Variants in DPH6 observed in about 807,000 individuals in gnomAD.
DPH6 encodes the protein diphthamine biosynthesis 6, also known as diphthine--ammonia ligase.
Under a neutral mutation model 38.2 loss-of-function variants are expected in DPH6, and 33 were observed. That is an observed-to-expected ratio of 0.86 (90% CI 0.65 to 1.15). The LOEUF (loss-of-function observed/expected upper bound fraction) is 1.15. Among genes scored for constraint, DPH6 ranks in the 50% most tolerant of loss-of-function variants. The probability of loss-of-function intolerance (pLI) is 0.00; values close to 1 mark genes in which losing one functional copy is unlikely to be tolerated. For synonymous variants in DPH6, 108 were observed against 103.0 expected (o/e 1.05, Z -0.30); for missense variants, 325 against 320.0 (o/e 1.02, Z -0.12).
intron 3 of DPH6, among the ~76,000 whole-genome samples, chr15:35,336,893 T>G (rs1438540439): frequency 6.6e-6 from 1 of 152,136 alleles, no homozygotes; most frequent in East Asian, 1.9e-4. Context: ...TCAAGGATAT[T>G]GGTCTAAAAT....
intron 5 of DPH6, among the ~76,000 whole-genome samples, chr15:35,423,648 T>C (rs1288649113): frequency 6.6e-6 from 1 of 151,838 alleles, no homozygotes; most frequent in Non-Finnish European, 1.5e-5. Context: ...TCCTTTGTTT[T>C]CTTCAAGGAG....
At chr15:35,280,053 G>C (rs989807490) in intron 3 of DPH6, among the ~76,000 whole-genome samples, 2 of 152,160 alleles carry the variant, frequency 1.3e-5, no homozygotes, top group East Asian at 3.8e-4. Context: ...CTGGCACCTT[G>C]ATCTTAGACT....
At chr15:35,451,758 G>C (rs8033424) in intron 4 of DPH6, among the ~76,000 whole-genome samples, 106,738 of 152,086 alleles carry the variant, frequency 0.7, 38,888 homozygotes, top group South Asian at 0.83. Context: ...CGACTGTAAT[G>C]CCAGCACTTT....
intron 3 of DPH6, among the ~76,000 whole-genome samples, chr15:35,536,957 T>C (rs1361386949): frequency 6.6e-6 from 1 of 152,080 alleles, no homozygotes; most frequent in South Asian, 2.1e-4. Flanking sequence ...TGTGATTTCC[T>C]TTCAAAAGTG....
At chr15:35,225,611 C>T (rs1369302769) in intron 3 of DPH6, among the ~76,000 whole-genome samples, 1 of 152,128 alleles carries the variant, frequency 6.6e-6, no homozygotes, top group Non-Finnish European at 1.5e-5. Flanking sequence ...ATACTTCAGG[C>T]TCATATTGTA....
intron 3 of DPH6, among the ~76,000 whole-genome samples, chr15:35,279,436 G>A (rs569347003): frequency 6.6e-6 from 1 of 152,104 alleles, no homozygotes; most frequent in Non-Finnish European, 1.5e-5. Flanking sequence ...CCCTCCAAAT[G>A]TCAGGTTGAA....
intron 3 of DPH6, chr15:35,520,760 GA>G (rs199590879): frequency 1.7e-5 from 17 of 981,042 alleles, no homozygotes; most frequent in African/African-American, 7.1e-5. Flanking sequence ...TATGTACAAT[GA>G]AAAAAAAATC....
intron 3 of DPH6, among the ~76,000 whole-genome samples, chr15:35,222,025 G>A (rs2051446299): frequency 6.6e-6 from 1 of 152,134 alleles, no homozygotes; most frequent in Non-Finnish European, 1.5e-5. Flanking sequence ...AATAAGGATG[G>A]CCTTAACTCT....
At chr15:35,321,568 T>G (rs866708854) in intron 3 of DPH6, among the ~76,000 whole-genome samples, 5 of 152,332 alleles carry the variant, frequency 3.3e-5, no homozygotes, top group South Asian at 4.1e-4. Context: ...ATTTCTTGAC[T>G]CTGGTAATAG....
chr15:35,202,755 C>T, the DPH6 span, among the ~76,000 whole-genome samples: 2 of 151,696 alleles, frequency 1.3e-5, no homozygotes, highest in Non-Finnish European at 3.0e-5. Flanking sequence ...TTTTTAAATG[C>T]GTTTTCAGTA....
chr15:35,180,543 C>T, the DPH6 span, among the ~76,000 whole-genome samples: 1 of 152,206 alleles, frequency 6.6e-6, no homozygotes, highest in Non-Finnish European at 1.5e-5. Context: ...TCACTGCAGC[C>T]TTGACCTCCT....
intron 3 of DPH6, among the ~76,000 whole-genome samples, chr15:35,234,664 G>A (rs79101711): frequency 2.0e-5 from 3 of 152,194 alleles, no homozygotes; most frequent in Admixed American, 2.0e-4. Flanking sequence ...GTAACAGCTG[G>A]CTTAAGCCAA....
intron 3 of DPH6, among the ~76,000 whole-genome samples, chr15:35,338,635 G>A (rs2052394690): frequency 2.0e-5 from 3 of 152,052 alleles, no homozygotes; most frequent in African/African-American, 7.2e-5. Context: ...GATTCCTCAG[G>A]GATCTAGAAC....
chr15:35,333,952 G>A (rs926796361), intron 3 of DPH6, among the ~76,000 whole-genome samples: 1 of 152,048 alleles, frequency 6.6e-6, no homozygotes, highest in East Asian at 1.9e-4. Flanking sequence ...CCATAAAGAA[G>A]AACAAGATCT....
chr15:35,309,564 A>G (rs2052122816), intron 3 of DPH6, among the ~76,000 whole-genome samples: 1 of 152,224 alleles, frequency 6.6e-6, no homozygotes, highest in African/African-American at 2.4e-5. Flanking sequence ...CCCATTTTAA[A>G]GAGCGAAAAG....
At chr15:35,198,754 A>C in the DPH6 span, among the ~76,000 whole-genome samples, 1 of 152,226 alleles carries the variant, frequency 6.6e-6, no homozygotes, top group Non-Finnish European at 1.5e-5. Context: ...TCATGCAAGA[A>C]AGTTGCTTGA....
rs143139420 is a variant in DPH6 at position 35,279,411 on chromosome 15, T to A, written n.201-58829A>T. Among the ~76,000 whole-genome samples the A allele has an allele frequency of 8.5e-5, 13 of 152,136 alleles. No homozygotes were observed. In the East Asian group the frequency reaches 2.5e-3, roughly 29 times the overall value. ...AGGAACCAGGGGCAGAAGGATATGG[T>A]TTGGGAAGTTTGCTCCCTCCAAATG... On this transcript the variant is annotated intron_variant and non_coding_transcript_variant, in intron 3 of 3. Transcript: ENST00000560386.
chr15:35,376,422 G>A (rs948841163), intron 7 of DPH6, among the ~76,000 whole-genome samples: 1 of 152,000 alleles, frequency 6.6e-6, no homozygotes, highest in African/African-American at 2.4e-5. Flanking sequence ...TGGGTATTAC[G>A]GTGGTGCCAT....
At chr15:35,497,820 G>C (rs528282671) in intron 3 of DPH6, among the ~76,000 whole-genome samples, 1 of 152,222 alleles carries the variant, frequency 6.6e-6, no homozygotes, top group South Asian at 2.1e-4. Flanking sequence ...AAAAGCAACA[G>C]ATACTTAAAA....
Sources: allele counts gnomAD v4.1 joint callset (sites outside exome capture counted in the v4.1 genomes callset), GRCh38; gene constraint gnomAD v4.1.1; transcripts MANE v1.5; gene names NCBI Gene and HGNC (gene_info 2026-07-23, HGNC 2026-07-21).